The following SNCB variants were observed in gnomAD, a reference collection of about 807,000 sequenced individuals.
The protein encoded by SNCB is beta-synuclein.
A neutral mutation model predicts 20.0 loss-of-function variants in SNCB; 8 were observed. That is an observed-to-expected ratio of 0.40 (90% CI 0.24 to 0.72). The LOEUF is 0.72. Ranked by LOEUF, SNCB falls within the 30% of genes least tolerant of loss-of-function variation. SNCB has a pLI of 0.37. For synonymous variants in SNCB, 56 were observed against 65.4 expected (o/e 0.86, Z 0.69); for missense variants, 125 against 168.0 (o/e 0.74, Z 1.41).
chr5:176,621,082 C>G lies in SNCB; in HGVS notation c.372+132G>C. On this transcript the variant is annotated intron_variant, in intron 5 of 5. Transcript: ENST00000393693. This position sits in a 1 kb window ranked among gnomAD's most constrained non-coding sequence, Gnocchi z 4.1. ...TCCTCCCTGCTCCCACCTCCTGGGG[C>G]CTGGGTTCTAGAAGAGGGATGTCAA... is the stretch of plus-strand genomic sequence containing the variant. 2.4e-6 allele frequency: 2 copies of G among 822,754 alleles called. No individual in the cohort carries two copies. Among genetic ancestry groups the G allele is most frequent in the South Asian group, 1.5e-5 (1 of 67,676 alleles). 51.0% of individuals were successfully genotyped at this position (822,754 alleles called of 1,614,324 possible). A position where few individuals can be genotyped will look rare whatever the true frequency, so the allele number is the denominator to read the frequency against.
chr5:176,628,354 C>T (rs763670161), intron 2 of SNCB, among the ~76,000 whole-genome samples: 15 of 152,126 alleles, frequency 9.9e-5, no homozygotes, highest in African/African-American at 3.1e-4. Flanking sequence ...AGCCTTCTCC[C>T]GGTCTCCATT....
chr5:176,620,240 C>CG lies in SNCB; in HGVS notation c.*570dup, dbSNP rs57201372. On this transcript the variant is annotated 3_prime_UTR_variant, in exon 6 of 6. Coordinates refer to ENST00000393693, the MANE Select transcript of SNCB (RefSeq NM_003085.5). The surrounding 1 kb of genome is among the most constrained non-coding windows in gnomAD (Gnocchi z 4.5). ...CAGATTAGCTTTATTCATGGACTCT[C>CG]GGGGGCGGCCGGGCCCACCCGCCCG... The CG allele has an allele frequency of 0.98, 147,846 of 150,442 alleles. 72,683 individuals are homozygous for CG. The highest frequency in any genetic ancestry group is 1 in the Middle Eastern group (292 of 292). 9.3% of individuals were successfully genotyped at this position (150,442 alleles called of 1,614,324 possible).
At chr5:176,624,925 T>G (rs926762860) in intron 4 of SNCB, among the ~76,000 whole-genome samples, 3 of 151,870 alleles carry the variant, frequency 2.0e-5, no homozygotes, top group African/African-American at 7.3e-5. Context: ...AGGAACCAAC[T>G]GTGCAAAATG....
rs4868669 is a variant in SNCB at position 176,629,528 on chromosome 5, A to G, written c.121+6T>C. 1 allele frequency: 1,604,995 copies of G among 1,612,646 alleles called. 798,971 individuals are homozygous for G. The highest frequency in any genetic ancestry group is 1 in the East Asian group (44,776 of 44,776). On this transcript the variant is annotated splice_donor_region_variant and intron_variant, in intron 2 of 5. Coordinates refer to ENST00000393693, the MANE Select transcript of SNCB (RefSeq NM_003085.5). This position sits in a 1 kb window ranked among gnomAD's most constrained non-coding sequence, Gnocchi z 4.1. Reference sequence around the variant, plus strand: ...TGCAGCCCCAGAAACCCCGCCCCTTACCCACCGACGTAGAGGACGCCCTCC... The same window carrying G: ...TGCAGCCCCAGAAACCCCGCCCCTTGCCCACCGACGTAGAGGACGCCCTCC...
At position 176,621,963 on chromosome 5, in the gene SNCB, G is replaced by T. The variant is rs1465589250; in HGVS notation, c.283-660C>A. On this transcript the variant is annotated intron_variant, in intron 4 of 5. Coordinates refer to ENST00000393693, the MANE Select transcript of SNCB (RefSeq NM_003085.5). This position sits in a 1 kb window ranked among gnomAD's most constrained non-coding sequence, Gnocchi z 4.1. Reference sequence around the variant, plus strand: ...CACCTGCAGGTGACCACATGTATGTGAACAAACATGGGACTGAGCTGGCTG... The same window carrying T: ...CACCTGCAGGTGACCACATGTATGTTAACAAACATGGGACTGAGCTGGCTG... 1.3e-5 allele frequency among the ~76,000 whole-genome samples: 2 copies of T among 152,224 alleles called. No individual in the cohort carries two copies. The highest frequency in any genetic ancestry group is 6.5e-5 in the Admixed American group (1 of 15,290).
At chr5:176,622,626 A>G (rs182031363) in intron 4 of SNCB, among the ~76,000 whole-genome samples, 144 of 152,396 alleles carry the variant, frequency 9.4e-4, no homozygotes, top group African/African-American at 3.3e-3. Flanking sequence ...CTACATAACA[A>G]GAATGAAGAA....
At chr5:176,622,697 A>C (rs542405167) in intron 4 of SNCB, among the ~76,000 whole-genome samples, 11 of 151,298 alleles carry the variant, frequency 7.3e-5, no homozygotes, top group Non-Finnish European at 1.0e-4. Context: ...GGAGGAAGCC[A>C]GATACAGAAC....
Position 176,620,509 on chromosome 5 carries a change from T to C in SNCB, c.*302A>G, listed in dbSNP as rs868768670. On this transcript the variant is annotated 3_prime_UTR_variant, in exon 6 of 6. Transcript: ENST00000393693. This position sits in a 1 kb window ranked among gnomAD's most constrained non-coding sequence, Gnocchi z 4.5. Reference sequence around the variant, plus strand: ...CGGGGAGGAGCCGTCGCTCGGATCTTCGTTTAAAAACACATAGAACATGCT... The same window carrying C: ...CGGGGAGGAGCCGTCGCTCGGATCTCCGTTTAAAAACACATAGAACATGCT... The C allele has an allele frequency of 4.7e-6, 2 of 428,558 alleles. No individual in the cohort carries two copies. Among genetic ancestry groups the C allele is most frequent in the Middle Eastern group, 6.1e-4 (1 of 1,638 alleles). 26.5% of individuals were successfully genotyped at this position (428,558 alleles called of 1,614,324 possible). A position where few individuals can be genotyped will look rare whatever the true frequency, so the allele number is the denominator to read the frequency against.
intron 4 of SNCB, among the ~76,000 whole-genome samples, chr5:176,622,125 T>G (rs1474547686): frequency 6.6e-6 from 1 of 152,230 alleles, no homozygotes; most frequent in African/African-American, 2.4e-5. Context: ...ACCCTGGGTG[T>G]CCCAGCTCCA....
At position 176,626,296 on chromosome 5, in the gene SNCB, TA is replaced by T; in HGVS notation, c.282+101del. 7.8e-6 allele frequency: 7 copies of T among 892,412 alleles called. No homozygotes were observed. The highest frequency in any genetic ancestry group is 7.8e-5 in the South Asian group (6 of 76,620). The allele number at this position is 892,412 out of a possible 1,614,324, so 55.3% of individuals were successfully genotyped here. On this transcript the variant is annotated intron_variant, in intron 4 of 5. Coordinates refer to ENST00000393693, the MANE Select transcript of SNCB (RefSeq NM_003085.5). This position sits in a 1 kb window ranked among gnomAD's most constrained non-coding sequence, Gnocchi z 4.2. The stretch of plus-strand genomic sequence containing the variant: ...TTGTGTTCCAAGCTGGTGGCAGGAT[TA>T]GGGGGGCGGGGATGGTGACAGGTTT...
In SNCB at chr5:176,621,364, G is replaced by A. The variant is rs1759585324; in HGVS notation, c.283-61C>T. ...CCAGGATGCCCCCCAAATTCCCACA[G>A]TGGTAAGCTTTGGGTGGGTTGGAGT... is the stretch of plus-strand genomic sequence containing the variant. On this transcript the variant is annotated intron_variant, in intron 4 of 5. Coordinates refer to ENST00000393693, the MANE Select transcript of SNCB (RefSeq NM_003085.5). The surrounding 1 kb of genome is among the most constrained non-coding windows in gnomAD (Gnocchi z 4.1). 7.1e-7 allele frequency: 1 copy of A among 1,417,096 alleles called. No homozygotes were observed. The highest frequency in any genetic ancestry group is 1.9e-5 in the Admixed American group (1 of 53,080). The allele number at this position is 1,417,096 out of a possible 1,614,324, so 87.8% of individuals were successfully genotyped here. A position where few individuals can be genotyped will look rare whatever the true frequency, so the allele number is the denominator to read the frequency against.
Position 176,621,207 on chromosome 5 carries a change from C to T in SNCB, c.372+7G>A. ...CAAAGTCCCGCCCAGCCCTGCTGCCCCCTCACCTGGGGTGGGTCCTCATAA... is the reference window on the plus strand; with the variant it reads ...CAAAGTCCCGCCCAGCCCTGCTGCCTCCTCACCTGGGGTGGGTCCTCATAA... On this transcript the variant is annotated splice_region_variant and intron_variant, in intron 5 of 5. Coordinates refer to ENST00000393693, the MANE Select transcript of SNCB (RefSeq NM_003085.5). This position sits in a 1 kb window ranked among gnomAD's most constrained non-coding sequence, Gnocchi z 4.1. 3 of 1,608,226 alleles carry T rather than the reference C, an allele frequency of 1.9e-6. No homozygotes were observed. The highest frequency in any genetic ancestry group is 2.6e-6 in the Non-Finnish European group (3 of 1,175,912).
In SNCB at chr5:176,629,443, C is replaced by T; in HGVS notation, c.121+91G>A. On this transcript the variant is annotated intron_variant, in intron 2 of 5. Coordinates refer to ENST00000393693, the MANE Select transcript of SNCB (RefSeq NM_003085.5). This position sits in a 1 kb window ranked among gnomAD's most constrained non-coding sequence, Gnocchi z 4.1. Reference sequence around the variant, plus strand: ...CATCTGCTGACTCATATTCTCCTGCCCAGAACCCCCCTCCCCGGGACCCGG... The same window carrying T: ...CATCTGCTGACTCATATTCTCCTGCTCAGAACCCCCCTCCCCGGGACCCGG... 1.4e-6 allele frequency: 2 copies of T among 1,423,258 alleles called. No individual in the cohort carries two copies. Among genetic ancestry groups the T allele is most frequent in the Non-Finnish European group, 1.9e-6 (2 of 1,029,728 alleles). 88.2% of individuals were successfully genotyped at this position (1,423,258 alleles called of 1,614,324 possible).
intron 4 of SNCB, among the ~76,000 whole-genome samples, chr5:176,622,912 T>G (rs1437745229): frequency 6.6e-6 from 1 of 151,874 alleles, no homozygotes; most frequent in African/African-American, 2.4e-5. Context: ...AATTTTTGTA[T>G]TTTTAGTAGA....
At position 176,626,783 on chromosome 5, in the gene SNCB, C is replaced by T. The variant is rs371559821; in HGVS notation, c.122-22G>A. On this transcript the variant is annotated intron_variant, in intron 2 of 5. Transcript: ENST00000393693. The surrounding 1 kb of genome is among the most constrained non-coding windows in gnomAD (Gnocchi z 4.2). ...CTTCCTGCAGGGAGAAAAAGCGGCA[C>T]ATTTAAGGACTCTGCGCTGAGGGAA... 6 of 1,613,966 alleles carry T rather than the reference C, an allele frequency of 3.7e-6. No individual in the cohort carries two copies. In the African/African-American group the frequency reaches 6.7e-5, roughly 18 times the overall value.
Position 176,626,278 on chromosome 5 carries a change from C to G in SNCB, c.282+120G>C, listed in dbSNP as rs1256114834. 14 of 818,200 alleles carry G rather than the reference C, an allele frequency of 1.7e-5. No homozygotes were observed. The East Asian group carries it at 3.4e-4, about 20-fold the overall frequency. The allele number at this position is 818,200 out of a possible 1,614,324, so 50.7% of individuals were successfully genotyped here. ...GATGGGAGGCAAAGTGGCTTGTGTT[C>G]CAAGCTGGTGGCAGGATTAGGGGGG... On this transcript the variant is annotated intron_variant, in intron 4 of 5. Coordinates refer to ENST00000393693, the MANE Select transcript of SNCB (RefSeq NM_003085.5). This position sits in a 1 kb window ranked among gnomAD's most constrained non-coding sequence, Gnocchi z 4.2.
At chr5:176,622,731 A>ATT (rs1490896963) in intron 4 of SNCB, among the ~76,000 whole-genome samples, 1 of 129,468 alleles carries the variant, frequency 7.7e-6, no homozygotes, top group African/African-American at 3.0e-5. Context: ...CTTCATGATG[A>ATT]CTTTTTTTTT....
In SNCB at chr5:176,629,865, TG is replaced by T; in HGVS notation, c.-9-203del. On this transcript the variant is annotated intron_variant, in intron 1 of 5. Transcript: ENST00000393693. This position sits in a 1 kb window ranked among gnomAD's most constrained non-coding sequence, Gnocchi z 4.1. Reference sequence around the variant, plus strand: ...GGAGAGTCCTAGCGTCCTTGAAACCTGGGGACGCGGGAGGGGCCACTGCCTC... The same window carrying T: ...GGAGAGTCCTAGCGTCCTTGAAACCTGGGACGCGGGAGGGGCCACTGCCTC... The T allele has an allele frequency of 1.6e-6, 1 of 640,686 alleles. No individual in the cohort carries two copies. Among genetic ancestry groups the T allele is most frequent in the Non-Finnish European group, 2.4e-6 (1 of 408,208 alleles). 39.7% of individuals were successfully genotyped at this position (640,686 alleles called of 1,614,324 possible). A position where few individuals can be genotyped will look rare whatever the true frequency, so the allele number is the denominator to read the frequency against.
chr5:176,628,542 G>A (rs755718849), intron 2 of SNCB, among the ~76,000 whole-genome samples: 2 of 152,134 alleles, frequency 1.3e-5, no homozygotes, highest in Non-Finnish European at 2.9e-5. Context: ...AAGGGCCCTC[G>A]TGAACTGTCT....
Sources: allele counts gnomAD v4.1 joint callset (sites outside exome capture counted in the v4.1 genomes callset), GRCh38; gene constraint gnomAD v4.1.1; non-coding constraint Gnocchi (gnomAD v3.1); transcripts MANE v1.5; gene names NCBI Gene and HGNC (gene_info 2026-07-23, HGNC 2026-07-21).